Variants in DAB1 observed in about 807,000 individuals in gnomAD.
DAB1 encodes disabled homolog 1.
A neutral mutation model predicts 64.6 loss-of-function variants in DAB1; 15 were observed. The ratio of observed to expected loss-of-function variants is 0.23; its 90% CI spans 0.16 to 0.36. DAB1 has a LOEUF of 0.36. Ranked by LOEUF, DAB1 falls within the 10% of genes least tolerant of loss-of-function variation. The pLI, the probability that DAB1 is intolerant of heterozygous loss-of-function variation, is 1.00. For synonymous variants in DAB1, 235 were observed against 251.9 expected (o/e 0.93, Z 0.64); for missense variants, 596 against 706.7 (o/e 0.84, Z 1.78).
intron 1 of DAB1, chr1:58,538,880 A>G (rs1410558570): frequency 1.1e-6 from 1 of 872,704 alleles, no homozygotes; most frequent in East Asian, 2.4e-5. Flanking sequence ...AACCGTGGAG[A>G]AGTATGGAAA....
intron 6 of DAB1, among the ~76,000 whole-genome samples, chr1:57,817,617 C>G (rs568439417): frequency 6.6e-6 from 1 of 152,330 alleles, no homozygotes; most frequent in Non-Finnish European, 1.5e-5. Flanking sequence ...TCAGGCAACA[C>G]TGGCTCTTCT....
intron 4 of DAB1, among the ~76,000 whole-genome samples, chr1:58,186,688 A>G (rs1657094451): frequency 6.6e-6 from 1 of 152,228 alleles, no homozygotes; most frequent in South Asian, 2.1e-4. Flanking sequence ...TTAGTGTGAG[A>G]GTCATCTACA....
upstream of DAB1, among the ~76,000 whole-genome samples, chr1:57,887,427 A>G (rs1318995959): frequency 6.6e-6 from 1 of 152,232 alleles, no homozygotes; most frequent in Non-Finnish European, 1.5e-5. Context: ...GAAGTCACCA[A>G]TTCTTAACTC....
intron 5 of DAB1, among the ~76,000 whole-genome samples, chr1:58,068,782 C>A (rs77530350): frequency 0.17 from 21,890 of 129,136 alleles, 1,766 homozygotes; most frequent in East Asian, 0.28. Context: ...AAAAAAAAAC[C>A]AAAAAAAAAA....
intron 6 of DAB1, among the ~76,000 whole-genome samples, chr1:57,769,496 C>T (rs1011479847): frequency 8.5e-5 from 13 of 152,194 alleles, no homozygotes; most frequent in Non-Finnish European, 1.8e-4. Context: ...TAAGAATATT[C>T]CAAGGAGATT....
intron 1 of DAB1, among the ~76,000 whole-genome samples, chr1:57,877,552 T>A (rs200331511): frequency 0.025 from 524 of 21,210 alleles, 122 homozygotes; most frequent in Non-Finnish European, 0.023. Context: ...TTTATTTTTT[T>A]TTTTTTTTTT....
At chr1:57,088,761 C>T (rs949694586) in intron 4 of DAB1, among the ~76,000 whole-genome samples, 1 of 152,210 alleles carries the variant, frequency 6.6e-6, no homozygotes, top group African/African-American at 2.4e-5. Context: ...TCTCTACTGT[C>T]AATTGTTACT....
intron 3 of DAB1, among the ~76,000 whole-genome samples, chr1:57,141,637 C>T (rs1367399710): frequency 6.6e-6 from 1 of 152,096 alleles, no homozygotes; most frequent in Non-Finnish European, 1.5e-5. Flanking sequence ...GATTTTGGTT[C>T]TTTCAGGACT....
At position 58,189,613 on chromosome 1, in the gene DAB1, C is replaced by T. The variant is rs565794561; in HGVS notation, n.310-39025G>A. ...CAGCCCTGCCCACTGGTTGCAGGTC[C>T]CCACTGACTTCCAAAGCAGGCAAAC... On this transcript the variant is annotated intron_variant and non_coding_transcript_variant, in intron 4 of 20. Transcript: ENST00000485760. 6.6e-5 allele frequency among the ~76,000 whole-genome samples: 10 copies of T among 152,342 alleles called. No homozygotes were observed. In the South Asian group the frequency reaches 2.1e-3, roughly 32 times the overall value.
At chr1:57,051,302 T>C (rs559677305) in intron 9 of DAB1, among the ~76,000 whole-genome samples, 7 of 152,242 alleles carry the variant, frequency 4.6e-5, no homozygotes, top group Non-Finnish European at 1.0e-4. Context: ...TTCTACAATG[T>C]GGTGCTTAAT....
chr1:57,459,993 C>A (rs1193203673), intron 7 of DAB1, among the ~76,000 whole-genome samples: 1 of 152,148 alleles, frequency 6.6e-6, no homozygotes, highest in Non-Finnish European at 1.5e-5. Context: ...CTATACCCAC[C>A]TTACAGTGGT....
At chr1:57,005,007 C>T (rs902530573) in intron 14 of DAB1, among the ~76,000 whole-genome samples, 9 of 152,110 alleles carry the variant, frequency 5.9e-5, no homozygotes, top group Non-Finnish European at 8.8e-5. Flanking sequence ...AAAAACAAAG[C>T]TTTCTGGCCA....
chr1:58,228,383 A>G (rs1288648214), intron 4 of DAB1, among the ~76,000 whole-genome samples: 2 of 152,184 alleles, frequency 1.3e-5, no homozygotes, highest in Admixed American at 1.3e-4. Context: ...GTAAGGGGAA[A>G]GGGTAATCTT....
chr1:57,109,898 T>C (rs1570709806), intron 4 of DAB1, among the ~76,000 whole-genome samples: 1 of 152,356 alleles, frequency 6.6e-6, no homozygotes, highest in East Asian at 1.9e-4. Context: ...TGAATGCTCA[T>C]AAGCCTTTAA....
chr1:57,812,319 C>CAAAAAAAAAAAAAAAAAAAGA (rs1651664718), intron 6 of DAB1, among the ~76,000 whole-genome samples: 1 of 101,220 alleles, frequency 9.9e-6, no homozygotes, highest in African/African-American at 3.7e-5. Context: ...GATTCATTGC[C>CAAAAAAAAAAAAAAAAAAAGA]AAAAAAAAAA....
At chr1:58,267,826 A>G (rs534909136) in intron 4 of DAB1, among the ~76,000 whole-genome samples, 1 of 152,148 alleles carries the variant, frequency 6.6e-6, no homozygotes, top group Admixed American at 6.5e-5. Flanking sequence ...ATCTATTTAG[A>G]TCATTGGACT....
At position 57,634,798 on chromosome 1, in the gene DAB1, A is replaced by G. The variant is rs188882258; in HGVS notation, n.625+14794T>C. On this transcript the variant is annotated intron_variant and non_coding_transcript_variant, in intron 7 of 20. Transcript: ENST00000485760. ...TGGAGGAGGAAAAGAGGAATAAACA[A>G]ATAAATATATAATGGTGGTGAAAAT... Among the ~76,000 whole-genome samples, 8 of 152,360 alleles carry G rather than the reference A, an allele frequency of 5.3e-5. No individual in the cohort carries two copies. In the East Asian group the frequency reaches 1.5e-3, roughly 29 times the overall value.
chr1:58,485,336 T>C (rs1048139272), intron 3 of DAB1, among the ~76,000 whole-genome samples: 1 of 151,100 alleles, frequency 6.6e-6, no homozygotes, highest in Non-Finnish European at 1.5e-5. Flanking sequence ...TTTGTGCTCA[T>C]GCTTTTTTGT....
At chr1:57,998,374 ATCTTTTTTTTCTC>A (rs1448116713) in intron 5 of DAB1, among the ~76,000 whole-genome samples, 2 of 146,228 alleles carry the variant, frequency 1.4e-5, no homozygotes, top group African/African-American at 5.1e-5. Flanking sequence ...CTGAGTCCTC[ATCTTTTTTTTCTC>A]TCTTTTTTTT....
Sources: allele counts gnomAD v4.1 joint callset (sites outside exome capture counted in the v4.1 genomes callset), GRCh38; gene constraint gnomAD v4.1.1; transcripts MANE v1.5; gene names NCBI Gene and HGNC (gene_info 2026-07-23, HGNC 2026-07-21).